NAF1: variants seen among roughly 807,000 people sequenced by gnomAD.
NAF1 encodes nuclear assembly factor 1 ribonucleoprotein.
A neutral mutation model predicts 40.6 loss-of-function variants in NAF1; 11 were observed. That is an observed-to-expected ratio of 0.27 (90% CI 0.17 to 0.45). The LOEUF (loss-of-function observed/expected upper bound fraction) is 0.45. Among genes scored for constraint, NAF1 ranks in the 20% least tolerant of loss-of-function variants. The pLI is 1.00. For synonymous variants in NAF1, 260 were observed against 228.5 expected, an observed-to-expected ratio of 1.14 and a Z score of -1.24; for missense variants, 607 against 611.1, an observed-to-expected ratio of 0.99 and a Z score of 0.07.
intron 6 of NAF1, chr4:163,136,187 T>C (rs1731048517): frequency 6.6e-6 from 1 of 152,048 alleles, no homozygotes; most frequent in African/African-American, 2.4e-5. Flanking sequence ...TCTGTAATAC[T>C]GGCTGGGCAA....
chr4:163,114,540 C>A (rs529397481), intron 2 of NAF1, among the ~76,000 whole-genome samples: 1 of 152,272 alleles, frequency 6.6e-6, no homozygotes, highest in South Asian at 2.1e-4. Flanking sequence ...TGGATAATCA[C>A]GTGTTAAACC....
intron 2 of NAF1, among the ~76,000 whole-genome samples, chr4:163,149,578 A>G (rs190449200): frequency 3.0e-4 from 46 of 152,276 alleles, no homozygotes; most frequent in African/African-American, 1.1e-3. Context: ...AGTCAGCAAC[A>G]TGCCTTTGTA....
Position 163,129,945 on chromosome 4 carries a change from C to T in NAF1, c.1034-597G>A, listed in dbSNP as rs141940260. Reference sequence around the variant, plus strand: ...GGGAGGAGTGACAAAGTACTCCTGTCCCTACCAGGCATAAGACCTCGTGGG... The same window carrying T: ...GGGAGGAGTGACAAAGTACTCCTGTTCCTACCAGGCATAAGACCTCGTGGG... On this transcript the variant is annotated intron_variant, in intron 7 of 7. Coordinates refer to ENST00000274054, the MANE Select transcript of NAF1 (RefSeq NM_138386.3). Among the ~76,000 whole-genome samples the T allele has an allele frequency of 4.2e-3, 637 of 152,220 alleles. 4 individuals are homozygous for T. Among genetic ancestry groups the T allele is most frequent in the Admixed American group, 7.1e-3 (109 of 15,288 alleles).
At chr4:163,153,307 T>C (rs1379644626) in intron 2 of NAF1, among the ~76,000 whole-genome samples, 1 of 152,242 alleles carries the variant, frequency 6.6e-6, no homozygotes, top group Non-Finnish European at 1.5e-5. Flanking sequence ...TGAAGCCAGC[T>C]GGGCTCCTGA....
At chr4:163,153,981 A>G (rs1824885) in intron 2 of NAF1, among the ~76,000 whole-genome samples, 117,522 of 151,468 alleles carry the variant, frequency 0.78, 45,622 homozygotes, top group South Asian at 0.84. Context: ...TGGGAGGAAC[A>G]AACAACTCCA....
intron 2 of NAF1, among the ~76,000 whole-genome samples, chr4:163,113,848 T>A (rs1477604907): frequency 2.6e-5 from 4 of 152,242 alleles, no homozygotes; most frequent in African/African-American, 9.6e-5. Context: ...AGTTATTGCA[T>A]GCCATGGACT....
chr4:163,106,050 T>A (rs1459191311), downstream of NAF1, among the ~76,000 whole-genome samples: 3 of 152,162 alleles, frequency 2.0e-5, no homozygotes, highest in South Asian at 4.2e-4. Context: ...GGATGTTAGT[T>A]TTTTTGTGTA....
intron 2 of NAF1, among the ~76,000 whole-genome samples, chr4:163,156,471 C>T (rs1731991904): frequency 6.6e-6 from 1 of 151,130 alleles, no homozygotes; most frequent in Non-Finnish European, 1.5e-5. Flanking sequence ...GTTTTGTTTA[C>T]TCAATATTAG....
chr4:163,133,552 A>G (rs1390639047), intron 6 of NAF1: 1 of 287,036 alleles, frequency 3.5e-6, no homozygotes, highest in Non-Finnish European at 6.6e-6. Context: ...AGGGTGCCAA[A>G]GGTAAGAGTA....
chr4:163,114,321 T>C (rs1429562983), intron 2 of NAF1, among the ~76,000 whole-genome samples: 8 of 152,224 alleles, frequency 5.3e-5, no homozygotes, highest in African/African-American at 1.9e-4. Flanking sequence ...CCTGTGTCTG[T>C]CACTAAGTCT....
At chr4:163,108,218 C>T (rs999619773), downstream of NAF1, among the ~76,000 whole-genome samples, 13 of 152,254 alleles carry the variant, frequency 8.5e-5, no homozygotes, top group South Asian at 8.3e-4. Flanking sequence ...CATTCTACTC[C>T]AGCATTTTTC....
downstream of NAF1, among the ~76,000 whole-genome samples, chr4:163,106,026 T>C (rs1172092526): frequency 2.0e-5 from 3 of 152,228 alleles, no homozygotes; most frequent in Non-Finnish European, 4.4e-5. Flanking sequence ...TTAATATTAG[T>C]CTAATCATTT....
chr4:163,148,646 G>A (rs1488080924), intron 2 of NAF1, among the ~76,000 whole-genome samples: 2 of 152,106 alleles, frequency 1.3e-5, no homozygotes, highest in Non-Finnish European at 2.9e-5. Context: ...CAGGTCTCAA[G>A]TATACACCCC....
intron 5 of NAF1, among the ~76,000 whole-genome samples, 168 bp downstream of exon 5, chr4:163,140,055 G>A (rs894411538): frequency 1.9e-4 from 29 of 151,982 alleles, no homozygotes; most frequent in African/African-American, 6.0e-4. Flanking sequence ...TGAATTCTAC[G>A]TACAAAATCT....
At chr4:163,154,106 A>G (rs1220443198) in intron 2 of NAF1, among the ~76,000 whole-genome samples, 1 of 152,154 alleles carries the variant, frequency 6.6e-6, no homozygotes, top group Non-Finnish European at 1.5e-5. Context: ...TCTGAACATC[A>G]GAAGGAACAA....
intron 2 of NAF1, among the ~76,000 whole-genome samples, chr4:163,150,269 C>T (rs1322492145): frequency 1.3e-5 from 2 of 151,956 alleles, no homozygotes. Context: ...AAACATGTTC[C>T]TATTTTTACA....
chr4:163,144,312 G>A (rs887082719), intron 4 of NAF1, among the ~76,000 whole-genome samples: 3 of 152,124 alleles, frequency 2.0e-5, no homozygotes, highest in African/African-American at 7.2e-5. Flanking sequence ...TTTTAGCAAG[G>A]TTTCTCAAGT....
At position 163,130,968 on chromosome 4, in the gene NAF1, G is replaced by A. The variant is rs551997024; in HGVS notation, c.1034-1620C>T. On this transcript the variant is annotated intron_variant, in intron 7 of 7. Coordinates refer to ENST00000274054, the MANE Select transcript of NAF1 (RefSeq NM_138386.3). ...ATCTCAGCTCACTGCAACCTCCGCT[G>A]CCCGGGTCCCAGCTGACGCAATTCT... Among the ~76,000 whole-genome samples, 49 of 152,246 alleles carry A rather than the reference G, an allele frequency of 3.2e-4. No homozygotes were observed. The South Asian group carries it at 7.3e-3, about 23-fold the overall frequency.
downstream of NAF1, chr4:163,110,033 C>T: frequency 2.4e-6 from 1 of 421,600 alleles, no homozygotes. Flanking sequence ...TAGCATCCTG[C>T]CCTATTAAGT....
Sources: gnomAD v4.1 joint callset for allele counts (sites outside exome capture counted in the v4.1 genomes callset) on GRCh38, gnomAD v4.1.1 for gene constraint, MANE v1.5 for transcripts, NCBI Gene and HGNC (gene_info 2026-07-23, HGNC 2026-07-21) for gene names.